The following XYLT1 variants were observed in gnomAD, a reference collection of about 807,000 sequenced individuals.
XYLT1 encodes beta-D-xylosyltransferase 1.
Under a neutral mutation model 91.3 loss-of-function variants are expected in XYLT1, and 36 were observed. The ratio of observed to expected loss-of-function variants is 0.39; its 90% CI spans 0.30 to 0.52. XYLT1 has a LOEUF of 0.52. XYLT1 is among the 20% of genes least tolerant of loss of function. The probability of loss-of-function intolerance (pLI) is 0.68; values close to 1 mark genes in which losing one functional copy is unlikely to be tolerated. For synonymous variants in XYLT1, 588 were observed against 532.0 expected (o/e 1.11, Z -1.45); for missense variants, 1,242 against 1,284.5 (o/e 0.97, Z 0.51).
At chr16:17,416,348 G>A (rs2036179869) in intron 1 of XYLT1, among the ~76,000 whole-genome samples, 1 of 152,238 alleles carries the variant, frequency 6.6e-6, no homozygotes, top group Non-Finnish European at 1.5e-5. Flanking sequence ...CATTAGTGGA[G>A]AGGATGGGCC....
In XYLT1 at chr16:17,108,876, G is replaced by A. The variant is rs775364743; in HGVS notation, c.2699C>T (p.Thr900Ile). 9 of 1,611,986 alleles carry A rather than the reference G, an allele frequency of 5.6e-6. No homozygotes were observed. The highest frequency in any genetic ancestry group is 2.5e-6 in the Non-Finnish European group (3 of 1,178,896). Reference sequence around the variant, plus strand: ...CGAGTCCAGCCATCCCTCCAGCGCTGTGCCCGTGGAGGCTGCGTTCCTCCG... The same window carrying A: ...CGAGTCCAGCCATCCCTCCAGCGCTATGCCCGTGGAGGCTGCGTTCCTCCG... Reference protein sequence around the residue: ...QARRNAASTGTALEGWLDSLV... With the variant: ...QARRNAASTGIALEGWLDSLV... Residue 900 changes from threonine to isoleucine, a missense_variant, in exon 12 of 12, where the codon ACA (threonine) becomes ATA (isoleucine). Transcript: ENST00000261381.
chr16:17,245,637 T>C (rs1290215200), intron 3 of XYLT1, among the ~76,000 whole-genome samples: 1 of 152,224 alleles, frequency 6.6e-6, no homozygotes, highest in Non-Finnish European at 1.5e-5. Context: ...TTTAAATTAC[T>C]TTATCATTGT....
In XYLT1 at chr16:17,287,480, T is replaced by G. The variant is rs2034159531; in HGVS notation, c.403-27982A>C. ...CAATTTGTCGAATCCTTGCAGCCGG[T>G]ACCGCATGTGGCCAAATCTCCCCAC... On this transcript the variant is annotated intron_variant, in intron 2 of 11. Coordinates refer to ENST00000261381, the MANE Select transcript of XYLT1 (RefSeq NM_022166.4). 2.0e-5 allele frequency among the ~76,000 whole-genome samples: 3 copies of G among 152,212 alleles called. No individual in the cohort carries two copies. The South Asian group carries it at 6.2e-4, about 31-fold the overall frequency.
chr16:17,183,915 C>A (rs772687841), intron 5 of XYLT1, among the ~76,000 whole-genome samples: 1 of 151,896 alleles, frequency 6.6e-6, no homozygotes, highest in African/African-American at 2.4e-5. Flanking sequence ...AAATCTTTGC[C>A]CTCATCAATT....
chr16:17,337,785 T>TTTC (rs2035006837), intron 2 of XYLT1, among the ~76,000 whole-genome samples: 1 of 145,874 alleles, frequency 6.9e-6, no homozygotes, highest in African/African-American at 2.5e-5. Flanking sequence ...CTTTTTCTTT[T>TTTC]TTTTTTTTTT....
At position 17,117,869 on chromosome 16, in the gene XYLT1, C is replaced by A. The variant is rs769344701; in HGVS notation, c.2334G>T (p.Val778=). Residue 778 remains valine, a synonymous_variant, in exon 11 of 12, where the codon GTG becomes GTT. Transcript: ENST00000261381. The part of the protein sequence containing the change: ...GMQKWGKGPN[V]TVTVIWVDPV... ...GATCCACCCAAATGACGGTCACGGT[C>A]ACATTAGGTCCCTTCCCCCACTTCT... 1.7e-5 allele frequency: 28 copies of A among 1,614,110 alleles called. No homozygotes were observed. Among genetic ancestry groups the A allele is most frequent in the Non-Finnish European group, 2.4e-5 (28 of 1,180,030 alleles).
At chr16:17,167,235 A>G (rs2031709873) in intron 5 of XYLT1, among the ~76,000 whole-genome samples, 1 of 152,274 alleles carries the variant, frequency 6.6e-6, no homozygotes, top group South Asian at 2.1e-4. Context: ...GGCAGGAAAT[A>G]AACAGGAAAC....
chr16:17,360,944 A>G (rs2035373812), intron 1 of XYLT1, among the ~76,000 whole-genome samples: 1 of 152,210 alleles, frequency 6.6e-6, no homozygotes, highest in Admixed American at 6.5e-5. Flanking sequence ...CAACAAGGAA[A>G]GCCCTTTCCT....
Position 17,339,113 on chromosome 16 carries a change from C to T in XYLT1, c.402+18899G>A, listed in dbSNP as rs187380432. ...CACCACTTGACTCTGTGAGTATATA[C>T]CCTGTGATGAACATCTTGCTATGAT... On this transcript the variant is annotated intron_variant, in intron 2 of 11. Transcript: ENST00000261381. 1.1e-4 allele frequency among the ~76,000 whole-genome samples: 17 copies of T among 152,260 alleles called. No individual in the cohort carries two copies. The East Asian group carries it at 2.7e-3, about 24-fold the overall frequency.
chr16:17,115,806 A>T (rs1966850965), intron 11 of XYLT1, among the ~76,000 whole-genome samples: 1 of 123,526 alleles, frequency 8.1e-6, no homozygotes, highest in African/African-American at 3.7e-5. Context: ...ATATTAAAAA[A>T]AAAAAAAAAA....
intron 2 of XYLT1, among the ~76,000 whole-genome samples, chr16:17,278,313 T>C (rs575170127): frequency 6.6e-6 from 1 of 152,200 alleles, no homozygotes; most frequent in Non-Finnish European, 1.5e-5. Context: ...TTCTGTGAAA[T>C]TTGCAGAGAG....
intron 1 of XYLT1, among the ~76,000 whole-genome samples, chr16:17,379,005 G>T (rs529311497): frequency 6.6e-6 from 1 of 152,296 alleles, no homozygotes; most frequent in South Asian, 2.1e-4. Flanking sequence ...AAGTTACTGA[G>T]ATTCAACAGC....
intron 1 of XYLT1, among the ~76,000 whole-genome samples, chr16:17,386,133 C>T (rs906870310): frequency 1.3e-5 from 2 of 152,098 alleles, no homozygotes; most frequent in Non-Finnish European, 2.9e-5. Context: ...TATGTAACAG[C>T]TGAGAAACAC....
intron 1 of XYLT1, among the ~76,000 whole-genome samples, chr16:17,400,390 A>G (rs2035947626): frequency 6.6e-6 from 1 of 152,186 alleles, no homozygotes. Context: ...CAGGAGTTTG[A>G]GACCAGCTAG....
chr16:17,141,760 T>C (rs1487530487), intron 6 of XYLT1, among the ~76,000 whole-genome samples: 2 of 152,136 alleles, frequency 1.3e-5, no homozygotes, highest in East Asian at 3.9e-4. Context: ...CCATGGACCC[T>C]TGTCTCAGAA....
intron 1 of XYLT1, among the ~76,000 whole-genome samples, chr16:17,416,047 C>G (rs575142451): frequency 2.6e-5 from 4 of 152,302 alleles, no homozygotes; most frequent in African/African-American, 7.2e-5. Context: ...GAGAGGAGAG[C>G]AGAGGTCCTA....
chr16:17,255,343 G>C (rs1225457056), intron 3 of XYLT1, among the ~76,000 whole-genome samples: 3 of 152,160 alleles, frequency 2.0e-5, no homozygotes, highest in Non-Finnish European at 2.9e-5. Context: ...TAGCGCATTT[G>C]TGTATGTGTG....
chr16:17,416,560 G>C (rs533501681), intron 1 of XYLT1, among the ~76,000 whole-genome samples: 1 of 152,222 alleles, frequency 6.6e-6, no homozygotes, highest in African/African-American at 2.4e-5. Context: ...AGCCTGTGCA[G>C]CTAGGAGGCT....
At chr16:17,427,102 C>T (rs767946165) in intron 1 of XYLT1, among the ~76,000 whole-genome samples, 4 of 152,156 alleles carry the variant, frequency 2.6e-5, no homozygotes, top group Non-Finnish European at 4.4e-5. Context: ...GAAAGGGCTT[C>T]CTGCTAACAC....
Sources: gnomAD v4.1 joint callset for allele counts (sites outside exome capture counted in the v4.1 genomes callset) on GRCh38, gnomAD v4.1.1 for gene constraint, MANE v1.5 for transcripts, NCBI Gene and HGNC (gene_info 2026-07-23, HGNC 2026-07-21) for gene names.